The following ZRANB3 variants were observed in gnomAD, a reference collection of about 807,000 sequenced individuals.
ZRANB3 encodes the protein zinc finger RANBP2-type containing 3.
In ZRANB3, 125 loss-of-function variants were observed where a neutral mutation model predicts 133.8. The ratio of observed to expected loss-of-function variants is 0.93; its 90% confidence interval spans 0.81 to 1.08. ZRANB3 has a LOEUF of 1.08. ZRANB3 is among the 50% of genes least tolerant of loss of function. The pLI is 0.00. For missense variants in ZRANB3, 1,229 were observed against 1,275.5 expected, an observed-to-expected ratio of 0.96 and a Z score of 0.56; for synonymous variants, 387 against 432.7, an observed-to-expected ratio of 0.89 and a Z score of 1.31.
intron 2 of ZRANB3, among the ~76,000 whole-genome samples, chr2:135,500,575 T>C (rs911576461): frequency 6.6e-6 from 1 of 151,886 alleles, no homozygotes. Context: ...ACGTTAGAAG[T>C]CAGGATAGTG....
intron 2 of ZRANB3, among the ~76,000 whole-genome samples, chr2:135,440,022 A>T (rs1689712090): frequency 6.6e-6 from 1 of 152,188 alleles, no homozygotes; most frequent in Non-Finnish European, 1.5e-5. Context: ...AAATCAATAC[A>T]CAATGTAGTC....
chr2:135,281,001 C>A (rs1681080047), intron 8 of ZRANB3, among the ~76,000 whole-genome samples: 1 of 152,128 alleles, frequency 6.6e-6, no homozygotes, highest in Admixed American at 6.6e-5. Context: ...GATGTATAAA[C>A]CCTTGGCCTG....
intron 6 of ZRANB3, among the ~76,000 whole-genome samples, chr2:135,329,207 T>A (rs1482752264): frequency 1.3e-5 from 2 of 152,246 alleles, no homozygotes; most frequent in Non-Finnish European, 2.9e-5. Flanking sequence ...AACATGTAAG[T>A]CTTTAATCCA....
intron 2 of ZRANB3, among the ~76,000 whole-genome samples, chr2:135,401,202 G>A (rs1030747826): frequency 2.0e-5 from 3 of 150,780 alleles, no homozygotes; most frequent in Admixed American, 2.0e-4. Context: ...TCATACTCAC[G>A]AGGGAACTGA....
At chr2:135,496,213 T>C (rs992388693) in intron 2 of ZRANB3, among the ~76,000 whole-genome samples, 4 of 151,100 alleles carry the variant, frequency 2.6e-5, no homozygotes, top group Non-Finnish European at 4.4e-5. Flanking sequence ...TGAAACTCCA[T>C]CTCTACTAAA....
At chr2:135,240,833 GC>G (rs1695520845) in intron 12 of ZRANB3, among the ~76,000 whole-genome samples, 1 of 152,104 alleles carries the variant, frequency 6.6e-6, no homozygotes, top group South Asian at 2.1e-4. Context: ...ACCTGTCTTG[GC>G]CCCCCAAAGT....
chr2:135,205,833 C>T (rs1338449080), intron 19 of ZRANB3, among the ~76,000 whole-genome samples: 22 of 152,184 alleles, frequency 1.4e-4, no homozygotes, highest in African/African-American at 4.8e-4. Context: ...CATACATAGC[C>T]TCTGATTGTG....
chr2:135,429,861 A>T (rs1257352023), intron 2 of ZRANB3, among the ~76,000 whole-genome samples: 2 of 152,324 alleles, frequency 1.3e-5, no homozygotes, highest in Non-Finnish European at 2.9e-5. Flanking sequence ...TAAAGTTGAT[A>T]ATGAAATGAA....
Position 135,200,413 on chromosome 2 carries a change from T to TAA in ZRANB3, c.3168_3169insTT (p.Ser1057LeufsTer4). 1 of 1,606,984 alleles carries TAA rather than the reference T, an allele frequency of 6.2e-7. No individual in the cohort carries two copies. Among genetic ancestry groups the TAA allele is most frequent in the Non-Finnish European group, 8.5e-7 (1 of 1,176,396 alleles). On this transcript the variant is annotated frameshift_variant, in exon 21 of 21. Coordinates refer to ENST00000264159, the MANE Select transcript of ZRANB3 (RefSeq NM_032143.4). LOFTEE classifies it high-confidence loss of function. ...GCTAGAGATTGTCTTCTCACCTGGC[T>TAA]TCTTTCCTTAGCTTGTCTGGCAGTT...
chr2:135,313,436 GACATTGAATAATTTGTATGAAGACAAAT>G, intron 8 of ZRANB3, 25 bp downstream of exon 8: 1 of 1,130,316 alleles, frequency 8.8e-7, no homozygotes. Flanking sequence ...AACAGTAAAA[GACATTGAATAATTTGTATGAAGACAAAT>G]ACATGATGGC....
chr2:135,397,546 G>C (rs966038874), intron 2 of ZRANB3, among the ~76,000 whole-genome samples: 3 of 152,032 alleles, frequency 2.0e-5, no homozygotes, highest in Admixed American at 1.3e-4. Context: ...TTCTATTATA[G>C]TTAAAGATGG....
At chr2:135,335,417 C>T (rs939083611) in intron 6 of ZRANB3, among the ~76,000 whole-genome samples, 3 of 151,984 alleles carry the variant, frequency 2.0e-5, no homozygotes, top group East Asian at 1.9e-4. Context: ...AGAGGCTGGG[C>T]GCTGTGCCTC....
chr2:135,314,586 T>C (rs955407384), intron 7 of ZRANB3, among the ~76,000 whole-genome samples: 2 of 152,216 alleles, frequency 1.3e-5, no homozygotes, highest in African/African-American at 4.8e-5. Flanking sequence ...TCTGATATAC[T>C]GAATTTCACG....
intron 2 of ZRANB3, among the ~76,000 whole-genome samples, chr2:135,407,201 A>C (rs1050894788): frequency 1.3e-5 from 2 of 152,220 alleles, no homozygotes; most frequent in African/African-American, 2.4e-5. Flanking sequence ...GAGCCAAATC[A>C]TGAGTGAACT....
chr2:135,380,972 T>C lies in ZRANB3; in HGVS notation c.180+9830A>G, dbSNP rs1257922054. ...CTGCATTTCCAACTGAGGTACTGGGTTCATCTCACTGGGGATTGTGGGACA... is the reference window on the plus strand; with the variant it reads ...CTGCATTTCCAACTGAGGTACTGGGCTCATCTCACTGGGGATTGTGGGACA... On this transcript the variant is annotated intron_variant, in intron 3 of 20. Transcript: ENST00000264159. Among the ~76,000 whole-genome samples, 2 of 152,106 alleles carry C rather than the reference T, an allele frequency of 1.3e-5. 1 individual carries two copies. Among genetic ancestry groups the C allele is most frequent in the Non-Finnish European group, 2.9e-5 (2 of 68,022 alleles).
intron 2 of ZRANB3, among the ~76,000 whole-genome samples, chr2:135,407,265 GGGACA>G (rs1688083979): frequency 2.3e-5 from 3 of 132,614 alleles, no homozygotes; most frequent in African/African-American, 1.1e-4. Flanking sequence ...CAACTTACAA[GGGACA>G]TGAAGGACCT....
chr2:135,450,295 T>TA (rs11298818), intron 2 of ZRANB3, among the ~76,000 whole-genome samples: 139 of 136,118 alleles, frequency 1.0e-3, no homozygotes, highest in Middle Eastern at 3.8e-3. Context: ...AAAATAAAAT[T>TA]AAAAAAAAAA....
At chr2:135,228,326 T>A in intron 13 of ZRANB3, 1 of 208,210 alleles carries the variant, frequency 4.8e-6, no homozygotes, top group South Asian at 8.1e-5. Context: ...TTTTTTTTTT[T>A]TCAGTAAGAA....
intron 8 of ZRANB3, among the ~76,000 whole-genome samples, chr2:135,308,257 G>T (rs1315490756): frequency 2.0e-5 from 3 of 152,100 alleles, no homozygotes; most frequent in African/African-American, 7.2e-5. Context: ...AGTCCAACAG[G>T]GTTTCCTGCC....
Sources: allele counts gnomAD v4.1 joint callset (sites outside exome capture counted in the v4.1 genomes callset), GRCh38; gene constraint gnomAD v4.1.1; transcripts MANE v1.5; gene names NCBI Gene and HGNC (gene_info 2026-07-23, HGNC 2026-07-21).